FBXW10: variants seen among roughly 807,000 people sequenced by gnomAD.
FBXW10 encodes the protein F-box and WD repeat domain containing 10.
FBXW10 carries 68 observed loss-of-function variants against 113.1 expected under a neutral mutation model. The ratio of observed to expected loss-of-function variants is 0.60; its 90% confidence interval spans 0.49 to 0.74. FBXW10 has a LOEUF of 0.74. Among genes scored for constraint, FBXW10 ranks in the 30% least tolerant of loss-of-function variants. The probability of loss-of-function intolerance (pLI) is 0.00; values close to 1 mark genes in which losing one functional copy is unlikely to be tolerated. For missense variants in FBXW10, 753 were observed against 1,284.5 expected (o/e 0.59, Z 6.32); for synonymous variants, 289 against 481.6 (o/e 0.60, Z 5.24).
intron 7 of FBXW10, among the ~76,000 whole-genome samples, chr17:18,761,107 A>G (rs537271468): frequency 6.6e-6 from 1 of 152,188 alleles, no homozygotes; most frequent in Non-Finnish European, 1.5e-5. Flanking sequence ...GAAATTTCCC[A>G]TATGTGCATG....
intron 7 of FBXW10, among the ~76,000 whole-genome samples, chr17:18,759,840 C>T (rs537026732): frequency 1.3e-5 from 2 of 152,218 alleles, no homozygotes; most frequent in South Asian, 2.1e-4. Context: ...TGGTCTCGAT[C>T]TCCTGACCTC....
At chr17:18,746,746 C>T (rs2035044649) in intron 1 of FBXW10, among the ~76,000 whole-genome samples, 1 of 152,136 alleles carries the variant, frequency 6.6e-6, no homozygotes, top group African/African-American at 2.4e-5. Context: ...ACCAGGATCC[C>T]CTCCTGGGCC....
intron 7 of FBXW10, among the ~76,000 whole-genome samples, chr17:18,760,007 G>A (rs1279330517): frequency 1.3e-5 from 2 of 152,154 alleles, no homozygotes; most frequent in Non-Finnish European, 2.9e-5. Context: ...TTTTTTAAAG[G>A]TATATTCTTA....
intron 7 of FBXW10, among the ~76,000 whole-genome samples, chr17:18,762,172 C>T (rs1448348144): frequency 6.6e-6 from 1 of 151,476 alleles, no homozygotes; most frequent in Non-Finnish European, 1.5e-5. Context: ...CTGCGTTAGC[C>T]AGGATGGTCT....
Position 18,778,480 on chromosome 17 carries a change from G to T in FBXW10, c.2341G>T (p.Asp781Tyr). 1.2e-6 allele frequency: 2 copies of T among 1,612,788 alleles called. No individual in the cohort carries two copies. Among genetic ancestry groups the T allele is most frequent in the East Asian group, 2.2e-5 (1 of 44,854 alleles). ...KSKSPRRDAD[D>Y]VEKAQKQGQL... ...TTTTCTTTTTTTTGAAAAAGCAGAT[G>T]ATGTGGAGAAAGCACAAAAACAAGG... The change falls in exon 14 of 14, where the codon GAT (aspartate) becomes TAT (tyrosine). Residue 781 changes from aspartate (D) to tyrosine (Y), a missense_variant. Asp to Tyr is a radical substitution (Grantham distance 160). Coordinates refer to ENST00000395665, the MANE Select transcript of FBXW10 (RefSeq NM_001267585.2).
intron 9 of FBXW10, among the ~76,000 whole-genome samples, chr17:18,768,014 CCTTCCTTCCTTT>C (rs890818900): frequency 2.5e-4 from 28 of 111,832 alleles, no homozygotes; most frequent in African/African-American, 3.0e-4. Flanking sequence ...TCTTTTCCTT[CCTTCCTTCCTTT>C]CTTCCTTCCT....
At chr17:18,761,826 T>TGG (rs2035390792) in intron 7 of FBXW10, among the ~76,000 whole-genome samples, 1 of 152,238 alleles carries the variant, frequency 6.6e-6, no homozygotes, top group African/African-American at 2.4e-5. Flanking sequence ...TTAATTTTGC[T>TGG]TATATTTTCA....
Position 18,750,105 on chromosome 17 carries a change from G to C in FBXW10, c.967G>C (p.Gly323Arg), listed in dbSNP as rs145368701. ...QQVKMDLSAH[G>R]FIQNQITFLQ... ...GGTCAAGATGGACTTGTCAGCGCACGGCTTCATTCAGAACCAGATTACCTT... is the reference window on the plus strand; with the variant it reads ...GGTCAAGATGGACTTGTCAGCGCACCGCTTCATTCAGAACCAGATTACCTT... Residue 323 changes from glycine (G) to arginine (R), a missense_variant, in exon 4 of 14, where the codon GGC becomes CGC. Transcript: ENST00000395665. 6.2e-7 allele frequency: 1 copy of C among 1,610,976 alleles called. No homozygotes were observed. The highest frequency in any genetic ancestry group is 1.3e-5 in the African/African-American group (1 of 74,698).
intron 12 of FBXW10, among the ~76,000 whole-genome samples, chr17:18,774,441 C>T (rs1489495138): frequency 6.6e-6 from 1 of 152,186 alleles, no homozygotes; most frequent in Admixed American, 6.5e-5. Flanking sequence ...TAGAAAAATA[C>T]AGTTAGATGG....
chr17:18,758,216 T>A (rs1293921847), intron 6 of FBXW10, 89 bp from the exon 7 acceptor site: 1 of 1,318,238 alleles, frequency 7.6e-7, no homozygotes, highest in East Asian at 2.5e-5. Context: ...TTTACACCAC[T>A]GCTGTAGGCA....
chr17:18,747,246 G>T (rs928941503), intron 1 of FBXW10, among the ~76,000 whole-genome samples: 1 of 152,050 alleles, frequency 6.6e-6, no homozygotes, highest in Non-Finnish European at 1.5e-5. Context: ...TCTTTTCTTA[G>T]AGCAGATTCT....
At chr17:18,771,224 C>A (rs1047896128) in intron 11 of FBXW10, among the ~76,000 whole-genome samples, 7 of 152,130 alleles carry the variant, frequency 4.6e-5, no homozygotes, top group African/African-American at 1.7e-4. Context: ...TGGAATGACA[C>A]CCCGCATTCC....
In FBXW10 at chr17:18,744,349, C is replaced by T. The variant is rs2034995161; in HGVS notation, c.105C>T (p.Ala35=). Residue 35 remains alanine (A), a synonymous_variant, in exon 1 of 14, where the codon GCC becomes GCT. Transcript: ENST00000395665. ...GGAAGTGTGAGACGTGTGTCTTAGC[C>T]TGGAAGATCTTCTCTACCAAAGAGT... ...LCRKCETCVL[A]WKIFSTKEWF... The T allele has an allele frequency of 5.6e-6, 9 of 1,613,604 alleles. No individual in the cohort carries two copies. The highest frequency in any genetic ancestry group is 7.6e-6 in the Non-Finnish European group (9 of 1,179,848).
At chr17:18,767,199 G>A (rs148135561) in intron 9 of FBXW10, among the ~76,000 whole-genome samples, 2,074 of 152,042 alleles carry the variant, frequency 0.014, 52 homozygotes, top group African/African-American at 0.046. Flanking sequence ...AGGGCCAGGC[G>A]CAGTGGCTCA....
intron 5 of FBXW10, among the ~76,000 whole-genome samples, chr17:18,752,276 T>C (rs2151796230): frequency 6.6e-6 from 1 of 152,288 alleles, no homozygotes; most frequent in South Asian, 2.1e-4. Flanking sequence ...ATTATTGTCT[T>C]GAGAGATTGT....
intron 12 of FBXW10, 137 bp downstream of exon 12, chr17:18,772,820 T>C (rs751099965): frequency 8.4e-6 from 6 of 710,686 alleles, no homozygotes; most frequent in Non-Finnish European, 1.4e-5. Flanking sequence ...ATATAAATCC[T>C]AACCCTCCAG....
intron 5 of FBXW10, among the ~76,000 whole-genome samples, chr17:18,752,791 C>T (rs2035194201): frequency 6.6e-6 from 1 of 152,184 alleles, no homozygotes; most frequent in South Asian, 2.1e-4. Flanking sequence ...TCCCTTCACC[C>T]ATTTTATAGA....
At chr17:18,777,449 A>T (rs1228181029) in intron 13 of FBXW10, among the ~76,000 whole-genome samples, 6 of 152,106 alleles carry the variant, frequency 3.9e-5, no homozygotes, top group Admixed American at 3.3e-4. Flanking sequence ...TTTGCAACAT[A>T]ATTACTGTTG....
chr17:18,770,306 CTTT>C (rs60946049), intron 11 of FBXW10, among the ~76,000 whole-genome samples: 7 of 136,650 alleles, frequency 5.1e-5, no homozygotes, highest in Admixed American at 7.4e-5. Context: ...TTCATTTTGA[CTTT>C]TTTTTTTTTT....
Sources: gnomAD v4.1 joint callset for allele counts (sites outside exome capture counted in the v4.1 genomes callset) on GRCh38, gnomAD v4.1.1 for gene constraint, MANE v1.5 for transcripts, NCBI Gene and HGNC (gene_info 2026-07-23, HGNC 2026-07-21) for gene names.